The following RAB6A variants were observed in gnomAD, a reference collection of about 807,000 sequenced individuals.
The protein encoded by RAB6A is ras-related protein Rab-6A.
RAB6A carries 8 observed loss-of-function variants against 32.3 expected under a neutral mutation model. The ratio of observed to expected loss-of-function variants is 0.25; its 90% CI spans 0.15 to 0.45. The LOEUF is 0.45. Ranked by LOEUF, RAB6A falls within the 20% of genes least tolerant of loss-of-function variation. RAB6A has a pLI of 1.00. For missense variants in RAB6A, 104 were observed against 249.4 expected (o/e 0.42, Z 3.93); for synonymous variants, 73 against 82.1 (o/e 0.89, Z 0.60).
At chr11:73,692,569 A>C (rs775538607) in intron 6 of RAB6A, among the ~76,000 whole-genome samples, 2 of 151,462 alleles carry the variant, frequency 1.3e-5, no homozygotes, top group Non-Finnish European at 2.9e-5. Context: ...TGGAAAAAGA[A>C]GTATAAAAGG....
At chr11:73,678,992 C>CT (rs2134857361) in intron 7 of RAB6A, among the ~76,000 whole-genome samples, 1 of 152,166 alleles carries the variant, frequency 6.6e-6, no homozygotes, top group South Asian at 2.1e-4. Flanking sequence ...TCCCAAAGTG[C>CT]TGGGATTACA....
intron 2 of RAB6A, among the ~76,000 whole-genome samples, chr11:73,723,613 G>A (rs1946174547): frequency 6.6e-6 from 1 of 152,272 alleles, no homozygotes; most frequent in Admixed American, 6.5e-5. Context: ...ACAGCCATGA[G>A]CCACTGCGCC....
intron 5 of RAB6A, among the ~76,000 whole-genome samples, chr11:73,713,880 A>T (rs1946006335): frequency 6.6e-6 from 1 of 152,144 alleles, no homozygotes; most frequent in Non-Finnish European, 1.5e-5. Context: ...ATGTTACCTT[A>T]AAGAAAAATT....
intron 4 of RAB6A, among the ~76,000 whole-genome samples, chr11:73,717,016 T>C (rs760876984): frequency 6.6e-6 from 1 of 152,168 alleles, no homozygotes; most frequent in African/African-American, 2.4e-5. Flanking sequence ...TAAAAAAAAA[T>C]ACACCAGGTT....
At chr11:73,743,400 G>A (rs1435450003) in intron 1 of RAB6A, among the ~76,000 whole-genome samples, 1 of 151,770 alleles carries the variant, frequency 6.6e-6, no homozygotes, top group African/African-American at 2.4e-5. Context: ...ATAAAACATT[G>A]CAGGGGTCCC....
chr11:73,742,949 G>T (rs1480819187), intron 1 of RAB6A, among the ~76,000 whole-genome samples: 5 of 152,080 alleles, frequency 3.3e-5, no homozygotes, highest in Admixed American at 1.3e-4. Context: ...GACCTGAAAG[G>T]AGCTTACAAT....
At chr11:73,714,140 C>G (rs1590854754) in intron 5 of RAB6A, among the ~76,000 whole-genome samples, 1 of 129,600 alleles carries the variant, frequency 7.7e-6, no homozygotes. Flanking sequence ...TGCAGTTAGC[C>G]AAGATTGTGC....
intron 2 of RAB6A, among the ~76,000 whole-genome samples, chr11:73,728,608 T>A (rs1565368355): frequency 5.7e-5 from 1 of 17,648 alleles, no homozygotes; most frequent in Non-Finnish European, 1.4e-4. Flanking sequence ...CTGTCTTTGT[T>A]TAAATAATAA....
At chr11:73,691,298 C>T (rs1236953999) in intron 6 of RAB6A, among the ~76,000 whole-genome samples, 1 of 152,168 alleles carries the variant, frequency 6.6e-6, no homozygotes, top group Non-Finnish European at 1.5e-5. Context: ...TTGCTTTCTC[C>T]TGGGGTCTGC....
intron 6 of RAB6A, among the ~76,000 whole-genome samples, 192 bp from the exon 7 acceptor site, chr11:73,679,912 T>C (rs571619582): frequency 6.6e-6 from 1 of 151,870 alleles, no homozygotes; most frequent in Non-Finnish European, 1.5e-5. Context: ...TTGGGCAACA[T>C]GGTGAAACTC....
chr11:73,722,330 TATATATA>T (rs1565364941), intron 2 of RAB6A: 11 of 11,482 alleles, frequency 9.6e-4, no homozygotes, highest in African/African-American at 3.0e-3. Context: ...TATATATATA[TATATATA>T]TATATATTTT....
chr11:73,691,824 T>A (rs1164161926), intron 6 of RAB6A, among the ~76,000 whole-genome samples: 1 of 151,898 alleles, frequency 6.6e-6, no homozygotes, highest in Non-Finnish European at 1.5e-5. Flanking sequence ...CACAAAAAAA[T>A]TAGCTGGGCA....
intron 2 of RAB6A, among the ~76,000 whole-genome samples, chr11:73,728,647 A>AAT (rs1334007109): frequency 2.7e-5 from 4 of 148,262 alleles, no homozygotes; most frequent in African/African-American, 9.8e-5. Flanking sequence ...TAATAATAAT[A>AAT]AATGAAATAA....
intron 6 of RAB6A, among the ~76,000 whole-genome samples, chr11:73,703,831 A>C (rs536808727): frequency 6.6e-6 from 1 of 152,142 alleles, no homozygotes; most frequent in Non-Finnish European, 1.5e-5. Context: ...GCACTTTGGG[A>C]GGCCGAGATG....
At chr11:73,704,434 C>T (rs889221623) in intron 6 of RAB6A, among the ~76,000 whole-genome samples, 17 of 151,762 alleles carry the variant, frequency 1.1e-4, no homozygotes, top group African/African-American at 3.9e-4. Flanking sequence ...CCTGTAATTC[C>T]AGCAATTTGG....
In RAB6A at chr11:73,690,057, T is replaced by G. The variant is rs546525601; in HGVS notation, c.496-10337A>C. 2.0e-5 allele frequency among the ~76,000 whole-genome samples: 3 copies of G among 152,346 alleles called. No individual in the cohort carries two copies. The East Asian group carries it at 5.8e-4, about 29-fold the overall frequency. ...GTGTAAGGCAGAAAGGGTAAAAGCC[T>G]ATTTCCATAATTTAATACAGCATTT... On this transcript the variant is annotated intron_variant, in intron 6 of 7. Coordinates refer to ENST00000336083, the MANE Select transcript of RAB6A (RefSeq NM_198896.2).
In RAB6A at chr11:73,677,639, T is replaced by C; in HGVS notation, c.*259A>G. The C allele has an allele frequency of 1.2e-6, 1 of 865,928 alleles. No individual in the cohort carries two copies. The highest frequency in any genetic ancestry group is 1.7e-6 in the Non-Finnish European group (1 of 577,576). The allele number at this position is 865,928 out of a possible 1,614,324, so 53.6% of individuals were successfully genotyped here. A position where few individuals can be genotyped will look rare whatever the true frequency, so the allele number is the denominator to read the frequency against. ...AAAAAAGAAAAAAATGTTAAGAAAA[T>C]GTATCTAATTTTTAAAGTTATCACT... On this transcript the variant is annotated 3_prime_UTR_variant, in exon 8 of 8. Transcript: ENST00000336083.
At chr11:73,728,197 A>T (rs2134967404) in intron 2 of RAB6A, among the ~76,000 whole-genome samples, 2 of 152,262 alleles carry the variant, frequency 1.3e-5, no homozygotes, top group Middle Eastern at 3.4e-3. Flanking sequence ...TGGTATTGAA[A>T]CTGTGTAGGT....
chr11:73,692,788 C>CAAAAAAA (rs140762210), intron 6 of RAB6A, among the ~76,000 whole-genome samples: 7 of 98,184 alleles, frequency 7.1e-5, no homozygotes, highest in Non-Finnish European at 9.6e-5. Flanking sequence ...ACTAAAAATA[C>CAAAAAAA]AAAAAAAAAA....
Sources: allele counts gnomAD v4.1 joint callset (sites outside exome capture counted in the v4.1 genomes callset), GRCh38; gene constraint gnomAD v4.1.1; transcripts MANE v1.5; gene names NCBI Gene and HGNC (gene_info 2026-07-23, HGNC 2026-07-21).